Variants in TGDS observed in about 807,000 individuals in gnomAD.
The protein encoded by TGDS is TDP-glucose 4,6-dehydratase, also known as UDP-D-glucose 4,6-dehydratase.
TGDS carries 47 observed loss-of-function variants against 52.3 expected under a neutral mutation model. The observed-to-expected ratio is 0.90, with a 90% CI of 0.71 to 1.15. TGDS has a LOEUF of 1.15. Among genes scored for constraint, TGDS ranks in the 50% most tolerant of loss-of-function variants. The probability of loss-of-function intolerance (pLI) is 0.00; values close to 1 mark genes in which losing one functional copy is unlikely to be tolerated. For synonymous variants in TGDS, 115 were observed against 136.9 expected (o/e 0.84, Z 1.12); for missense variants, 375 against 418.4 (o/e 0.90, Z 0.90).
chr13:94,585,028 A>C (rs538143299), intron 4 of TGDS, among the ~76,000 whole-genome samples: 1 of 152,228 alleles, frequency 6.6e-6, no homozygotes, highest in African/African-American at 2.4e-5. Flanking sequence ...ATAACAATTA[A>C]ATCTCAAGGT....
intron 5 of TGDS, among the ~76,000 whole-genome samples, chr13:94,581,469 G>A (rs916567369): frequency 1.3e-5 from 2 of 152,170 alleles, no homozygotes; most frequent in Admixed American, 6.5e-5. Context: ...CAGTGGGAGA[G>A]GAGGTCAGAA....
chr13:94,592,311 T>C lies in TGDS; in HGVS notation c.154-2A>G. On this transcript the variant is annotated splice_acceptor_variant, in intron 2 of 11. Coordinates refer to ENST00000261296, the MANE Select transcript of TGDS (RefSeq NM_014305.4). LOFTEE classifies it high-confidence loss of function. ...CTTCAAGCTTGCACAGTAATCCAGC[T>C]TGAAAGAAGAGAGCACAGAAGGGGC... The C allele has an allele frequency of 2.5e-6, 4 of 1,598,540 alleles. No individual in the cohort carries two copies. Among genetic ancestry groups the C allele is most frequent in the Non-Finnish European group, 3.4e-6 (4 of 1,176,082 alleles).
intron 4 of TGDS, among the ~76,000 whole-genome samples, chr13:94,588,144 G>A (rs1170072664): frequency 1.3e-5 from 2 of 151,976 alleles, no homozygotes; most frequent in Non-Finnish European, 2.9e-5. Flanking sequence ...GGTGGCTCAC[G>A]CCTGTAATCC....
intron 2 of TGDS, 32 bp from the exon 3 acceptor site, chr13:94,592,341 CA>C: frequency 1.3e-6 from 2 of 1,531,282 alleles, no homozygotes; most frequent in South Asian, 1.2e-5. Flanking sequence ...AGGGGCAACA[CA>C]AAAAGTGACA....
At chr13:94,590,104 A>T (rs111443583) in intron 4 of TGDS, among the ~76,000 whole-genome samples, 11,681 of 150,240 alleles carry the variant, frequency 0.078, 1,092 homozygotes, top group African/African-American at 0.22. Context: ...AACTGTATCT[A>T]TATCCAACTC....
Position 94,593,863 on chromosome 13 carries a change from T to C in TGDS, c.131A>G (p.Tyr44Cys). 1 of 1,579,000 alleles carries C rather than the reference T, an allele frequency of 6.3e-7. No individual in the cohort carries two copies. The highest frequency in any genetic ancestry group is 8.6e-7 in the Non-Finnish European group (1 of 1,160,578). Residue 44 changes from tyrosine to cysteine, a missense_variant, in exon 2 of 12, where the codon TAT becomes TGT. Transcript: ENST00000261296. ...IVSLVEDYPN[Y>C]MIINLDKLDY... is the part of the protein sequence containing the mutation. ...CACCTTGTCTAGATTTATGATCATATAGTTTGGATAATCTTCCACTAAAGA... is the reference window on the plus strand; with the variant it reads ...CACCTTGTCTAGATTTATGATCATACAGTTTGGATAATCTTCCACTAAAGA...
intron 4 of TGDS, among the ~76,000 whole-genome samples, chr13:94,589,346 T>TTG (rs1889109637): frequency 6.7e-6 from 1 of 149,456 alleles, no homozygotes; most frequent in Non-Finnish European, 1.5e-5. Flanking sequence ...AGATGGAGTC[T>TTG]CTCTGTCACC....
At chr13:94,587,054 T>A (rs534724782) in intron 4 of TGDS, among the ~76,000 whole-genome samples, 6 of 152,066 alleles carry the variant, frequency 3.9e-5, no homozygotes, top group Admixed American at 3.9e-4. Context: ...TGTTAGCCAC[T>A]GCACCCAGCA....
chr13:94,587,890 G>A (rs1268998718), intron 4 of TGDS, among the ~76,000 whole-genome samples: 6 of 151,204 alleles, frequency 4.0e-5, no homozygotes, highest in South Asian at 2.1e-4. Context: ...CCAGCTACTC[G>A]GGAGGCTGAG....
Position 94,574,693 on chromosome 13 carries a change from G to T in TGDS, c.*89C>A. 1.5e-6 allele frequency: 1 copy of T among 680,638 alleles called. No individual in the cohort carries two copies. 42.2% of individuals were successfully genotyped at this position (680,638 alleles called of 1,614,324 possible). On this transcript the variant is annotated 3_prime_UTR_variant, in exon 12 of 12. Coordinates refer to ENST00000261296, the MANE Select transcript of TGDS (RefSeq NM_014305.4). The stretch of plus-strand genomic sequence containing the variant: ...GAATCTAATTCCAAAAGAAAAGAGT[G>T]CACTTCATTTGGTCACTTAATTTCA...
intron 5 of TGDS, among the ~76,000 whole-genome samples, chr13:94,581,986 G>T (rs1414059937): frequency 6.6e-6 from 1 of 152,116 alleles, no homozygotes; most frequent in Non-Finnish European, 1.5e-5. Flanking sequence ...GATCACCTGA[G>T]GTCAGGAGTT....
intron 4 of TGDS, among the ~76,000 whole-genome samples, chr13:94,588,793 T>C (rs1182818906): frequency 6.6e-6 from 1 of 152,180 alleles, no homozygotes; most frequent in Non-Finnish European, 1.5e-5. Flanking sequence ...CATGAAATCA[T>C]TGTATTCGTC....
At chr13:94,589,381 C>A (rs1226386978) in intron 4 of TGDS, among the ~76,000 whole-genome samples, 1 of 149,802 alleles carries the variant, frequency 6.7e-6, no homozygotes, top group East Asian at 2.0e-4. Flanking sequence ...GTGGTGCAAC[C>A]TCAGCTCACT....
At position 94,583,164 on chromosome 13, in the gene TGDS, G is replaced by A. The variant is rs1352388212; in HGVS notation, c.386C>T (p.Ala129Val). The A allele has an allele frequency of 1.2e-6, 2 of 1,613,970 alleles. No individual in the cohort carries two copies. Among genetic ancestry groups the A allele is most frequent in the East Asian group, 2.2e-5 (1 of 44,864 alleles). ...AAACTTCTCCACTCTGGCTTCATGA[G>A]CAGCACTTACCAAAACGTGAGTGCC... ...VYGTHVLVSA[A>V]HEARVEKFIY... Residue 129 changes from alanine to valine, a missense_variant, in exon 5 of 12, where the codon GCT becomes GTT. Physicochemically the swap from Ala to Val is moderately conservative, Grantham distance 64. Transcript: ENST00000261296.
chr13:94,577,508 A>G, intron 9 of TGDS, 79 bp from the exon 10 acceptor site: 1 of 1,179,498 alleles, frequency 8.5e-7, no homozygotes, highest in Admixed American at 2.7e-5. Flanking sequence ...TGGCTGATTA[A>G]AAAGAAAACA....
chr13:94,595,829 C>T (rs1045070613), intron 1 of TGDS: 5 of 600,398 alleles, frequency 8.3e-6, no homozygotes, highest in African/African-American at 7.5e-5. Context: ...CGGAGAGTAA[C>T]GCAGCTTTGG....
At chr13:94,585,271 C>T (rs1194432608) in intron 4 of TGDS, among the ~76,000 whole-genome samples, 1 of 151,936 alleles carries the variant, frequency 6.6e-6, no homozygotes, top group Non-Finnish European at 1.5e-5. Context: ...TGGTCTTGAA[C>T]GCCTGACCTC....
chr13:94,593,546 T>A lies in TGDS; in HGVS notation c.153+295A>T, dbSNP rs541746220. Among the ~76,000 whole-genome samples the A allele has an allele frequency of 2.6e-5, 4 of 152,298 alleles. No individual in the cohort carries two copies. In the South Asian group the frequency reaches 8.3e-4, roughly 32 times the overall value. ...TATAATCACCAAATTGCCTTATGAA[T>A]TTTTCTTATAGTTTTTTTGAATGAA... is the stretch of plus-strand genomic sequence containing the variant. On this transcript the variant is annotated intron_variant, in intron 2 of 11. Transcript: ENST00000261296.
intron 4 of TGDS, among the ~76,000 whole-genome samples, chr13:94,587,912 G>GAT (rs1389560679): frequency 1.0e-4 from 15 of 149,264 alleles, no homozygotes; most frequent in Non-Finnish European, 2.2e-4. Context: ...CAGGAGAATG[G>GAT]CATGAACCCA....
Sources: gnomAD v4.1 joint callset for allele counts (sites outside exome capture counted in the v4.1 genomes callset) on GRCh38, gnomAD v4.1.1 for gene constraint, MANE v1.5 for transcripts, NCBI Gene and HGNC (gene_info 2026-07-23, HGNC 2026-07-21) for gene names.